Variants in MYLK observed in about 807,000 individuals in gnomAD.
The protein encoded by MYLK is myosin light chain kinase, smooth muscle.
MYLK carries 106 observed loss-of-function variants against 203.4 expected under a neutral mutation model. The observed-to-expected ratio is 0.52, with a 90% CI of 0.45 to 0.61. The LOEUF is 0.61. Among genes scored for constraint, MYLK ranks in the 20% least tolerant of loss-of-function variants. The pLI, the probability that MYLK is intolerant of heterozygous loss-of-function variation, is 0.00. For missense variants in MYLK, 2,072 were observed against 2,442.3 expected (o/e 0.85, Z 3.20); for synonymous variants, 867 against 959.5 (o/e 0.90, Z 1.78).
intron 19 of MYLK, among the ~76,000 whole-genome samples, chr3:123,686,420 C>A (rs2060459324): frequency 6.6e-6 from 1 of 151,854 alleles, no homozygotes; most frequent in Non-Finnish European, 1.5e-5. Flanking sequence ...GAACTCTGAC[C>A]CCACGCAGGG....
intron 3 of MYLK, among the ~76,000 whole-genome samples, chr3:123,816,474 T>C (rs1380934979): frequency 1.3e-5 from 2 of 152,218 alleles, no homozygotes; most frequent in African/African-American, 4.8e-5. Flanking sequence ...AATTGGGTGC[T>C]AAATGAACCA....
intron 27 of MYLK, among the ~76,000 whole-genome samples, chr3:123,646,434 AT>A (rs963181281): frequency 3.9e-5 from 6 of 152,216 alleles, no homozygotes; most frequent in African/African-American, 1.4e-4. Flanking sequence ...AAAAATTCAG[AT>A]AAAAAAGGAA....
intron 13 of MYLK, among the ~76,000 whole-genome samples, chr3:123,719,510 A>G (rs1171706125): frequency 2.0e-5 from 3 of 152,208 alleles, no homozygotes; most frequent in Non-Finnish European, 4.4e-5. Context: ...ATCACAGCAC[A>G]TACCTATGGA....
rs202177283 is a variant in MYLK, at chr3:123,638,188, G to A, written c.4844C>T (p.Ala1615Val). ...GCCAAAGAGGACCTTCAGAGACCCC[G>A]CATTCTCTGAAACCAGGATGGAGAG... ...DFGLARRLEN[A>V]GSLKVLFGTP... The change falls in exon 29 of 34, where the codon GCG becomes GTG. Residue 1615 changes from alanine to valine, a missense_variant. Ala to Val is a moderately conservative substitution (Grantham distance 64, BLOSUM62 0). Around this residue, in one of 3 missense-constraint regions of MYLK, gnomAD observed 524 missense variants for 782.4 expected, o/e 0.67. Transcript: ENST00000360304. 209 of 1,613,800 alleles carry A rather than the reference G, an allele frequency of 1.3e-4. No homozygotes were observed. Among genetic ancestry groups the A allele is most frequent in the East Asian group, 4.5e-5 (2 of 44,866 alleles).
In MYLK at chr3:123,710,470, G is replaced by A. The variant is rs570863032; in HGVS notation, c.1805-577C>T. Reference sequence around the variant, plus strand: ...ACTGAAGAGCTTCTTTGTCATTTTCGATAATTATATGGTGCTCCATTCCCA... The same window carrying A: ...ACTGAAGAGCTTCTTTGTCATTTTCAATAATTATATGGTGCTCCATTCCCA... On this transcript the variant is annotated intron_variant, in intron 13 of 33. Transcript: ENST00000360304. Among the ~76,000 whole-genome samples the A allele has an allele frequency of 4.6e-5, 7 of 152,218 alleles. No homozygotes were observed. In the East Asian group the frequency reaches 9.7e-4, roughly 21 times the overall value.
chr3:123,793,168 G>T (rs1016625677), intron 4 of MYLK, among the ~76,000 whole-genome samples: 1 of 152,092 alleles, frequency 6.6e-6, no homozygotes, highest in Non-Finnish European at 1.5e-5. Context: ...TCCCAGTAAC[G>T]GCAAGTGACC....
intron 3 of MYLK, among the ~76,000 whole-genome samples, chr3:123,826,588 C>T (rs2066128414): frequency 6.6e-6 from 1 of 152,222 alleles, no homozygotes; most frequent in African/African-American, 2.4e-5. Flanking sequence ...TCCTGACAGG[C>T]ACACTAGGTT....
At position 123,793,673 on chromosome 3, in the gene MYLK, T is replaced by C. The variant is rs1560224764; in HGVS notation, c.165+4A>G. On this transcript the variant is annotated splice_donor_region_variant and intron_variant, in intron 4 of 33. Coordinates refer to ENST00000360304, the MANE Select transcript of MYLK (RefSeq NM_053025.4). ...CAGCCTCCCCATCCAGCCACACTTC[T>C]TACCCGCCCTTCGAACTTGGCGGTG... is the stretch of plus-strand genomic sequence containing the variant. The C allele has an allele frequency of 2.5e-6, 4 of 1,614,070 alleles. No individual in the cohort carries two copies. Among genetic ancestry groups the C allele is most frequent in the Non-Finnish European group, 3.4e-6 (4 of 1,179,952 alleles).
intron 27 of MYLK, among the ~76,000 whole-genome samples, chr3:123,644,943 T>C (rs1051227260): frequency 2.0e-5 from 3 of 152,334 alleles, no homozygotes; most frequent in African/African-American, 7.2e-5. Context: ...TTCGTGCTGA[T>C]AGGATTTGAC....
At chr3:123,764,384 A>G (rs552718556) in intron 4 of MYLK, among the ~76,000 whole-genome samples, 15 of 152,272 alleles carry the variant, frequency 9.9e-5, no homozygotes, top group African/African-American at 3.6e-4. Flanking sequence ...TAAAACATCA[A>G]CATCAATATC....
intron 3 of MYLK, among the ~76,000 whole-genome samples, chr3:123,830,329 T>C (rs2066279554): frequency 6.6e-6 from 1 of 152,248 alleles, no homozygotes; most frequent in East Asian, 1.9e-4. Flanking sequence ...TTTCAGGCAG[T>C]AGCAGGACAC....
intron 2 of MYLK, among the ~76,000 whole-genome samples, chr3:123,861,114 A>G (rs1046315095): frequency 6.7e-6 from 1 of 149,206 alleles, no homozygotes; most frequent in Admixed American, 6.8e-5. Context: ...TGGGCGATAG[A>G]GCGAGACCCT....
intron 24 of MYLK, among the ~76,000 whole-genome samples, chr3:123,650,488 TGTGA>T (rs1012888742): frequency 5.3e-5 from 8 of 151,908 alleles, no homozygotes; most frequent in South Asian, 4.2e-4. Context: ...TGAGTGTGAG[TGTGA>T]GTGTGTTTAG....
intron 3 of MYLK, among the ~76,000 whole-genome samples, chr3:123,821,925 G>A (rs2065950929): frequency 6.6e-6 from 1 of 152,200 alleles, no homozygotes; most frequent in African/African-American, 2.4e-5. Context: ...ACGGTTTTGA[G>A]AGGTGGGACC....
At chr3:123,674,945 G>T (rs1271116046) in intron 20 of MYLK, among the ~76,000 whole-genome samples, 1 of 152,244 alleles carries the variant, frequency 6.6e-6, no homozygotes, top group Non-Finnish European at 1.5e-5. Context: ...CTGGGGACAA[G>T]GATAGGGTCT....
At chr3:123,731,861 A>C (rs1298424943) in intron 11 of MYLK, among the ~76,000 whole-genome samples, 2 of 152,112 alleles carry the variant, frequency 1.3e-5, no homozygotes, top group Non-Finnish European at 2.9e-5. Context: ...TCAGTGTCCA[A>C]ATTCTCTTGA....
intron 3 of MYLK, among the ~76,000 whole-genome samples, chr3:123,819,192 A>G (rs1386550992): frequency 4.3e-4 from 65 of 152,214 alleles, no homozygotes; most frequent in Admixed American, 4.2e-3. Flanking sequence ...AGAGGCACTG[A>G]CTGCCTTTGT....
intron 2 of MYLK, among the ~76,000 whole-genome samples, chr3:123,862,030 C>A (rs1263754081): frequency 6.6e-6 from 1 of 152,222 alleles, no homozygotes; most frequent in Non-Finnish European, 1.5e-5. Flanking sequence ...GAGCTCCAGG[C>A]CCGTGGGGGC....
intron 24 of MYLK, among the ~76,000 whole-genome samples, chr3:123,651,121 A>C (rs1472944468): frequency 6.6e-6 from 1 of 152,156 alleles, no homozygotes; most frequent in Admixed American, 6.5e-5. Flanking sequence ...GAGGCCTCTG[A>C]GGTTGGGAAA....
Sources: gnomAD v4.1 joint callset for allele counts (sites outside exome capture counted in the v4.1 genomes callset) on GRCh38, gnomAD v4.1.1 for gene constraint, gnomAD v4.1.1 regional missense constraint, MANE v1.5 for transcripts, NCBI Gene and HGNC (gene_info 2026-07-23, HGNC 2026-07-21) for gene names.